Variants in MECOM observed in about 807,000 individuals in gnomAD.
MECOM encodes MDS1 and EVI1 complex locus.
MECOM carries 13 observed loss-of-function variants against 116.3 expected under a neutral mutation model. The observed-to-expected ratio is 0.11, with a 90% CI of 0.07 to 0.18. MECOM has a LOEUF of 0.18. Among genes scored for constraint, MECOM ranks in the 10% least tolerant of loss-of-function variants. MECOM has a pLI of 1.00. For synonymous variants in MECOM, 528 were observed against 535.2 expected (o/e 0.99, Z 0.19); for missense variants, 1,299 against 1,509.0 (o/e 0.86, Z 2.31).
chr3:169,171,012 G>C (rs1347637846), intron 2 of MECOM, among the ~76,000 whole-genome samples: 2 of 152,054 alleles, frequency 1.3e-5, no homozygotes, highest in Non-Finnish European at 2.9e-5. Flanking sequence ...TAAATTAATA[G>C]GAAGATTTCA....
At chr3:169,415,837 T>C (rs570770307) in intron 1 of MECOM, among the ~76,000 whole-genome samples, 10 of 152,148 alleles carry the variant, frequency 6.6e-5, no homozygotes, top group Non-Finnish European at 1.0e-4. Flanking sequence ...ATCCTAAATA[T>C]ATATGCACCC....
intron 1 of MECOM, among the ~76,000 whole-genome samples, chr3:169,591,582 C>A (rs1766417889): frequency 1.3e-5 from 2 of 152,146 alleles, no homozygotes; most frequent in African/African-American, 4.8e-5. Context: ...TGTCTGAGTC[C>A]AAAGCCCACA....
In MECOM at chr3:169,090,086, C is replaced by T; in HGVS notation, c.3315G>A (p.Val1105=). The T allele has an allele frequency of 6.2e-7, 1 of 1,613,680 alleles. No individual in the cohort carries two copies. ...GGTTTCCTTCATGTAAATTACTTGT[C>T]ACTGGTTCCTTTCCTGTTTTTCCAG... ...DITGKTGKEP[V]TSNLHEGNPE... The change falls in exon 15 of 17, where the codon GTG becomes GTA. Residue 1105 remains valine (V), a synonymous_variant. Transcript: ENST00000651503.
At chr3:169,663,040 C>G (rs1199434393) in intron 1 of MECOM, among the ~76,000 whole-genome samples, 1 of 145,950 alleles carries the variant, frequency 6.9e-6, no homozygotes, top group African/African-American at 2.5e-5. Flanking sequence ...CTCCTCCCTC[C>G]CACCCCTAGT....
intron 1 of MECOM, among the ~76,000 whole-genome samples, chr3:169,418,195 C>T (rs1039755994): frequency 1.2e-4 from 18 of 149,620 alleles, no homozygotes; most frequent in South Asian, 4.3e-4. Context: ...AAAGACTAAA[C>T]CAGGAAGAAG....
At chr3:169,552,821 T>C (rs575489756) in intron 1 of MECOM, among the ~76,000 whole-genome samples, 1 of 151,892 alleles carries the variant, frequency 6.6e-6, no homozygotes, top group South Asian at 2.1e-4. Context: ...ATTTTTAAAG[T>C]GAGGAAGTGG....
chr3:169,509,114 C>G (rs778471919), intron 1 of MECOM, among the ~76,000 whole-genome samples: 7 of 152,138 alleles, frequency 4.6e-5, no homozygotes, highest in Non-Finnish European at 8.8e-5. Context: ...CTTCATCTTC[C>G]CCAAAAGCTC....
chr3:169,558,202 C>A lies in MECOM; in HGVS notation c.37+105134G>T, dbSNP rs563288957. ...TGGTTTGGAATGGCTTATTTTCCTG[C>A]TCCAATAAACTATGACTAGGCATTC... On this transcript the variant is annotated intron_variant, in intron 1 of 16. Coordinates refer to ENST00000651503, the MANE Select transcript of MECOM (RefSeq NM_004991.4). Among the ~76,000 whole-genome samples the A allele has an allele frequency of 2.6e-5, 4 of 152,292 alleles. No homozygotes were observed. In the East Asian group the frequency reaches 5.8e-4, roughly 22 times the overall value.
At chr3:169,282,821 A>G (rs1712389105) in intron 2 of MECOM, among the ~76,000 whole-genome samples, 1 of 151,828 alleles carries the variant, frequency 6.6e-6, no homozygotes. Flanking sequence ...ATATAATATG[A>G]TATAATAATA....
At chr3:169,472,779 A>G (rs1749765663) in intron 1 of MECOM, among the ~76,000 whole-genome samples, 1 of 151,968 alleles carries the variant, frequency 6.6e-6, no homozygotes, top group Non-Finnish European at 1.5e-5. Flanking sequence ...AAGTAATATA[A>G]GCCTTAGTGT....
intron 2 of MECOM, among the ~76,000 whole-genome samples, chr3:169,172,803 C>T (rs1744632934): frequency 6.6e-6 from 1 of 152,102 alleles, no homozygotes; most frequent in Non-Finnish European, 1.5e-5. Context: ...TAACCGGCAG[C>T]AAGCCCTGAC....
chr3:169,663,449 C>T lies in MECOM; in HGVS notation c.-77G>A. Reference sequence around the variant, plus strand: ...GGATCCTTTCCTTCTTTTGCTCTCCCTCTCGCTCCCTCCCTCTCTCTCCTG... The same window carrying T: ...GGATCCTTTCCTTCTTTTGCTCTCCTTCTCGCTCCCTCCCTCTCTCTCCTG... On this transcript the variant is annotated 5_prime_UTR_variant, in exon 1 of 17. Coordinates refer to ENST00000651503, the MANE Select transcript of MECOM (RefSeq NM_004991.4). 4 of 1,425,080 alleles carry T rather than the reference C, an allele frequency of 2.8e-6. No homozygotes were observed. The highest frequency in any genetic ancestry group is 3.9e-6 in the Non-Finnish European group (4 of 1,033,170). 88.3% of individuals were successfully genotyped at this position (1,425,080 alleles called of 1,614,324 possible).
intron 2 of MECOM, among the ~76,000 whole-genome samples, chr3:169,192,658 T>C (rs922402915): frequency 2.6e-5 from 4 of 152,022 alleles, no homozygotes; most frequent in African/African-American, 9.7e-5. Flanking sequence ...CAAGTCCAAC[T>C]CACCAAAATT....
chr3:169,278,615 A>G (rs991036736), intron 2 of MECOM, among the ~76,000 whole-genome samples: 11 of 152,230 alleles, frequency 7.2e-5, no homozygotes, highest in Non-Finnish European at 1.3e-4. Context: ...CTATATAACT[A>G]CAAGATTCTT....
intron 2 of MECOM, among the ~76,000 whole-genome samples, chr3:169,174,352 T>C (rs1212691383): frequency 6.6e-6 from 1 of 152,206 alleles, no homozygotes; most frequent in African/African-American, 2.4e-5. Flanking sequence ...CACTTCCTTC[T>C]GGCACTGATA....
At chr3:169,152,456 G>T (rs949101397) in intron 2 of MECOM, among the ~76,000 whole-genome samples, 2 of 152,246 alleles carry the variant, frequency 1.3e-5, no homozygotes, top group South Asian at 2.1e-4. Context: ...TGTGGACAAG[G>T]TCAGGGCACC....
chr3:169,224,868 G>A (rs1752548050), intron 2 of MECOM, among the ~76,000 whole-genome samples: 1 of 152,148 alleles, frequency 6.6e-6, no homozygotes, highest in African/African-American at 2.4e-5. Flanking sequence ...GAGCATAAAC[G>A]AAGGATACAA....
chr3:169,126,060 T>C (rs1312659913), intron 5 of MECOM, among the ~76,000 whole-genome samples: 1 of 152,128 alleles, frequency 6.6e-6, no homozygotes, highest in Non-Finnish European at 1.5e-5. Flanking sequence ...AGTGACATGC[T>C]TTATCCATAT....
rs767394807 is a variant in MECOM, at chr3:169,444,410, T to TG, written c.38-62887dup. Among the ~76,000 whole-genome samples the TG allele has an allele frequency of 7.2e-5, 11 of 152,262 alleles. No homozygotes were observed. In the East Asian group the frequency reaches 1.9e-3, roughly 27 times the overall value. ...GGGGAGGTAATTGAATCATGGGGGC[T>TG]GGTCCTTCCCGTGTTATTCTCGTGA... is the stretch of plus-strand genomic sequence containing the variant. On this transcript the variant is annotated intron_variant, in intron 1 of 16. Transcript: ENST00000651503.
Sources: gnomAD v4.1 joint callset for allele counts (sites outside exome capture counted in the v4.1 genomes callset) on GRCh38, gnomAD v4.1.1 for gene constraint, MANE v1.5 for transcripts, NCBI Gene and HGNC (gene_info 2026-07-23, HGNC 2026-07-21) for gene names.